Variants in STXBP5L observed in about 807,000 individuals in gnomAD.
The protein encoded by STXBP5L is syntaxin binding protein 5L, also known as syntaxin-binding protein 5-like.
STXBP5L carries 65 observed loss-of-function variants against 144.5 expected under a neutral mutation model. That is an observed-to-expected ratio of 0.45 (90% CI 0.37 to 0.55). The LOEUF is 0.55. STXBP5L is among the 20% of genes least tolerant of loss of function. The pLI, the probability that STXBP5L is intolerant of heterozygous loss-of-function variation, is 0.00. For synonymous variants in STXBP5L, 505 were observed against 469.6 expected (o/e 1.08, Z -0.97); for missense variants, 1,298 against 1,405.5 (o/e 0.92, Z 1.22).
At chr3:121,181,404 C>G in intron 9 of STXBP5L, among the ~76,000 whole-genome samples, 1 of 113,930 alleles carries the variant, frequency 8.8e-6, no homozygotes, top group Middle Eastern at 5.3e-3. Flanking sequence ...GCCTAAGGGC[C>G]CCACTTAAAA....
chr3:121,330,555 G>A lies in STXBP5L; in HGVS notation c.2176+12015G>A, dbSNP rs575817875. Among the ~76,000 whole-genome samples, 5 of 152,178 alleles carry A rather than the reference G, an allele frequency of 3.3e-5. No individual in the cohort carries two copies. In the South Asian group the frequency reaches 1.0e-3, roughly 32 times the overall value. On this transcript the variant is annotated intron_variant, in intron 20 of 26. Transcript: ENST00000471454. ...CCCACTCATTGCTTGAGACAGTAGG[G>A]TACCTTTCCTGGGTAACACTTGAGA...
intron 20 of STXBP5L, among the ~76,000 whole-genome samples, chr3:121,366,804 C>G (rs2045876169): frequency 1.3e-5 from 2 of 149,744 alleles, no homozygotes; most frequent in Admixed American, 1.4e-4. Context: ...GGCCTTATAG[C>G]TTTTTTGTAC....
intron 5 of STXBP5L, among the ~76,000 whole-genome samples, chr3:121,059,514 T>C (rs1209508893): frequency 1.3e-5 from 2 of 151,996 alleles, no homozygotes; most frequent in African/African-American, 2.4e-5. Context: ...CTGTGAAGAA[T>C]GTCAGTGGTA....
Position 120,995,855 on chromosome 3 carries a change from A to T in STXBP5L, c.287+40818A>T, listed in dbSNP as rs572438960. Among the ~76,000 whole-genome samples, 47 of 152,144 alleles carry T rather than the reference A, an allele frequency of 3.1e-4. No homozygotes were observed. The South Asian group carries it at 9.7e-3, about 32-fold the overall frequency. ...ATTTTCCACCCGTTCTTATGTTACT[A>T]TTTCCTCTCTGAAGTTTCAAGACTT... On this transcript the variant is annotated intron_variant, in intron 3 of 26. Transcript: ENST00000471454.
At chr3:121,352,742 G>T (rs556324274) in intron 20 of STXBP5L, among the ~76,000 whole-genome samples, 2 of 152,062 alleles carry the variant, frequency 1.3e-5, no homozygotes, top group East Asian at 1.9e-4. Context: ...GTGAGAGAGG[G>T]TATCCTTGTC....
chr3:121,270,396 G>T (rs1190804858), intron 18 of STXBP5L, among the ~76,000 whole-genome samples: 1 of 151,954 alleles, frequency 6.6e-6, no homozygotes, highest in Non-Finnish European at 1.5e-5. Flanking sequence ...TCAAATCCAG[G>T]ATCTGGCATT....
intron 20 of STXBP5L, among the ~76,000 whole-genome samples, chr3:121,329,514 T>G (rs185496680): frequency 1.3e-5 from 2 of 152,350 alleles, no homozygotes; most frequent in Admixed American, 1.3e-4. Flanking sequence ...ATTAGAATTT[T>G]TTTATACTTT....
At chr3:121,236,370 ATTAT>A (rs1210379576) in intron 12 of STXBP5L, among the ~76,000 whole-genome samples, 2 of 152,180 alleles carry the variant, frequency 1.3e-5, no homozygotes, top group Non-Finnish European at 2.9e-5. Flanking sequence ...ATAAAGAAAA[ATTAT>A]TTGTTTGGCT....
intron 20 of STXBP5L, among the ~76,000 whole-genome samples, chr3:121,337,438 G>GTAAAAAAAAAAAAAAAAAAAAAAAAAAA (rs2044547096): frequency 2.4e-5 from 1 of 41,730 alleles, no homozygotes; most frequent in African/African-American, 1.2e-4. Flanking sequence ...AGCAACAACA[G>GTAAAAAAAAAAAAAAAAAAAAAAAAAAA]TAAAAAAAAA....
At chr3:120,963,100 G>T (rs1347786118) in intron 3 of STXBP5L, among the ~76,000 whole-genome samples, 3 of 152,180 alleles carry the variant, frequency 2.0e-5, no homozygotes, top group African/African-American at 7.2e-5. Context: ...GTATAAGAAT[G>T]CTTTTGATTT....
chr3:121,301,948 C>G (rs1005096237), intron 19 of STXBP5L, among the ~76,000 whole-genome samples: 2 of 152,138 alleles, frequency 1.3e-5, no homozygotes, highest in Non-Finnish European at 2.9e-5. Flanking sequence ...TTCGGTTTGC[C>G]AGTATTTTAC....
At chr3:121,015,553 T>C (rs953091455) in intron 3 of STXBP5L, among the ~76,000 whole-genome samples, 2 of 152,132 alleles carry the variant, frequency 1.3e-5, no homozygotes, top group Non-Finnish European at 2.9e-5. Flanking sequence ...AGCATGAGAA[T>C]GAGAAACTGC....
chr3:120,968,482 G>A (rs1202387248), intron 3 of STXBP5L, among the ~76,000 whole-genome samples: 2 of 151,976 alleles, frequency 1.3e-5, no homozygotes, highest in Admixed American at 6.5e-5. Flanking sequence ...CTTTCAGTTT[G>A]TGCATGTCTA....
intron 12 of STXBP5L, among the ~76,000 whole-genome samples, chr3:121,235,651 A>G (rs941087914): frequency 1.3e-5 from 2 of 152,130 alleles, no homozygotes; most frequent in Non-Finnish European, 2.9e-5. Context: ...TCTGAAACAG[A>G]GAATCTCTGA....
intron 5 of STXBP5L, among the ~76,000 whole-genome samples, chr3:121,093,433 A>G (rs2042935332): frequency 2.0e-5 from 3 of 152,220 alleles, no homozygotes; most frequent in African/African-American, 7.2e-5. Flanking sequence ...GCTATTGATT[A>G]TTGCCACAAT....
At chr3:120,996,042 G>C (rs887788615) in intron 3 of STXBP5L, among the ~76,000 whole-genome samples, 1 of 152,054 alleles carries the variant, frequency 6.6e-6, no homozygotes, top group Admixed American at 6.6e-5. Flanking sequence ...TACACAATTA[G>C]CAGTTTTCTT....
intron 5 of STXBP5L, among the ~76,000 whole-genome samples, chr3:121,067,970 T>C (rs2041627589): frequency 1.3e-5 from 2 of 152,220 alleles, no homozygotes; most frequent in African/African-American, 2.4e-5. Flanking sequence ...TTCATAGTCA[T>C]TTTTAAGCAT....
At chr3:121,024,180 A>G (rs2107471387) in intron 3 of STXBP5L, among the ~76,000 whole-genome samples, 1 of 152,352 alleles carries the variant, frequency 6.6e-6, no homozygotes, top group East Asian at 1.9e-4. Context: ...TATCTAAAAA[A>G]GTATTGCTGT....
chr3:121,065,555 A>C (rs2041504379), intron 5 of STXBP5L, among the ~76,000 whole-genome samples: 1 of 152,108 alleles, frequency 6.6e-6, no homozygotes, highest in Non-Finnish European at 1.5e-5. Context: ...GTCATAGCTT[A>C]GTTGAGTTTA....
Sources: allele counts gnomAD v4.1 joint callset (sites outside exome capture counted in the v4.1 genomes callset), GRCh38; gene constraint gnomAD v4.1.1; transcripts MANE v1.5; gene names NCBI Gene and HGNC (gene_info 2026-07-23, HGNC 2026-07-21).